Variants in ATCAY observed in about 807,000 individuals in gnomAD.
ATCAY encodes the protein caytaxin.
A neutral mutation model predicts 47.7 loss-of-function variants in ATCAY; 22 were observed. The observed-to-expected ratio is 0.46, with a 90% CI of 0.33 to 0.66. The LOEUF (loss-of-function observed/expected upper bound fraction) is 0.66, where lower values mean the gene tolerates loss of function less well. Among genes scored for constraint, ATCAY ranks in the 30% least tolerant of loss-of-function variants. ATCAY has a pLI of 0.02. For missense variants in ATCAY, 452 were observed against 515.0 expected (o/e 0.88, Z 1.18); for synonymous variants, 216 against 207.6 (o/e 1.04, Z -0.35).
intron 7 of ATCAY, 39 bp downstream of exon 7, chr19:3,909,656 GAAAAT>G: frequency 6.4e-7 from 1 of 1,550,950 alleles, no homozygotes; most frequent in African/African-American, 1.4e-5. Flanking sequence ...GTGGGGGCAT[GAAAAT>G]CACACAGGGG....
At chr19:3,883,369 G>T (rs1434167664) in intron 1 of ATCAY, among the ~76,000 whole-genome samples, 1 of 152,150 alleles carries the variant, frequency 6.6e-6, no homozygotes. Context: ...AAAAAAAGTG[G>T]ATCTAGCTAC....
At chr19:3,923,905 T>C (rs901354220) in intron 12 of ATCAY, among the ~76,000 whole-genome samples, 2 of 148,652 alleles carry the variant, frequency 1.3e-5, no homozygotes, top group African/African-American at 2.5e-5. Context: ...GATGGCTAGA[T>C]GTGTGGGTGG....
intron 8 of ATCAY, among the ~76,000 whole-genome samples, chr19:3,911,661 C>G (rs1023489449): frequency 2.6e-5 from 4 of 151,738 alleles, no homozygotes; most frequent in African/African-American, 9.7e-5. Flanking sequence ...TAAAACAGAT[C>G]AAGTGAAATA....
intron 9 of ATCAY, among the ~76,000 whole-genome samples, chr19:3,914,862 C>A (rs1391719036): frequency 6.6e-6 from 1 of 150,834 alleles, no homozygotes; most frequent in South Asian, 2.1e-4. Flanking sequence ...TACAGTCAAA[C>A]CCTGTCACCC....
chr19:3,885,603 A>AG, intron 1 of ATCAY, 124 bp from the exon 2 acceptor site: 2 of 452,586 alleles, frequency 4.4e-6, no homozygotes, highest in Non-Finnish European at 7.5e-6. Flanking sequence ...GAAAGGAGAG[A>AG]GGGGGAGGGG....
intron 9 of ATCAY, among the ~76,000 whole-genome samples, chr19:3,915,242 G>A (rs1295961230): frequency 1.3e-5 from 2 of 151,708 alleles, no homozygotes; most frequent in East Asian, 1.9e-4. Context: ...GCGCCATCTC[G>A]GCTCACCACA....
At chr19:3,917,540 G>C (rs541380884) in intron 9 of ATCAY, among the ~76,000 whole-genome samples, 1 of 120,652 alleles carries the variant, frequency 8.3e-6, no homozygotes, top group East Asian at 2.6e-4. Context: ...AGCCAAGATC[G>C]CACCACTGCA....
chr19:3,918,671 G>A (rs938314587), intron 10 of ATCAY, 135 bp from the exon 11 acceptor site: 2 of 801,878 alleles, frequency 2.5e-6, no homozygotes, highest in African/African-American at 3.4e-5. Flanking sequence ...AATAGCAAAG[G>A]CAGGGAACAT....
At chr19:3,885,963 A>C in intron 2 of ATCAY, 119 bp downstream of exon 2, 1 of 947,860 alleles carries the variant, frequency 1.1e-6, no homozygotes, top group Non-Finnish European at 1.6e-6. Flanking sequence ...GCCTGGTTCC[A>C]TCTCCGCGTC....
At position 3,926,074 on chromosome 19, in the gene ATCAY, G is replaced by C. The variant is rs2039063858; in HGVS notation, c.*1482G>C. On this transcript the variant is annotated 3_prime_UTR_variant, in exon 13 of 13. Transcript: ENST00000450849. Reference sequence around the variant, plus strand: ...TAATCCCAGCACTCTGGGAGGCTGAGGTGGGTGGATCACCTGAGGTCAGGA... The same window carrying C: ...TAATCCCAGCACTCTGGGAGGCTGACGTGGGTGGATCACCTGAGGTCAGGA... 1.3e-5 allele frequency: 2 copies of C among 152,218 alleles called. No homozygotes were observed. Among genetic ancestry groups the C allele is most frequent in the Admixed American group, 6.6e-5 (1 of 15,244 alleles). The allele number at this position is 152,218 out of a possible 1,614,324, so 9.4% of individuals were successfully genotyped here.
At chr19:3,895,898 G>T (rs966785673) in intron 2 of ATCAY, among the ~76,000 whole-genome samples, 1 of 151,458 alleles carries the variant, frequency 6.6e-6, no homozygotes, top group Non-Finnish European at 1.5e-5. Flanking sequence ...TGTATTTTTT[G>T]TAGAGATGGG....
intron 2 of ATCAY, among the ~76,000 whole-genome samples, chr19:3,900,196 C>CTT (rs35138325): frequency 6.9e-6 from 1 of 144,332 alleles, no homozygotes; most frequent in Non-Finnish European, 1.5e-5. Context: ...TCTTTTCTCT[C>CTT]TTTTTTTTTT....
chr19:3,889,871 A>T (rs1362955975), intron 2 of ATCAY, among the ~76,000 whole-genome samples: 3 of 151,816 alleles, frequency 2.0e-5, no homozygotes, highest in Admixed American at 1.3e-4. Flanking sequence ...ATAAATAATC[A>T]TCTCCAGCGT....
At chr19:3,905,886 G>T (rs1338985913) in intron 4 of ATCAY, among the ~76,000 whole-genome samples, 2 of 151,978 alleles carry the variant, frequency 1.3e-5, no homozygotes, top group Non-Finnish European at 1.5e-5. Flanking sequence ...AAAAAAGAGA[G>T]AGGTGGCTGG....
At chr19:3,898,109 T>C (rs574088426) in intron 2 of ATCAY, among the ~76,000 whole-genome samples, 1 of 152,136 alleles carries the variant, frequency 6.6e-6, no homozygotes, top group South Asian at 2.1e-4. Flanking sequence ...CCCATTTTCA[T>C]CCCTCTCCCC....
chr19:3,885,109 TAAAAAAA>T (rs34258948), intron 1 of ATCAY, among the ~76,000 whole-genome samples: 20 of 70,314 alleles, frequency 2.8e-4, no homozygotes, highest in South Asian at 4.8e-4. Context: ...TTTTTTTTTT[TAAAAAAA>T]AAAAAAAAAA....
Position 3,907,684 on chromosome 19 carries a change from G to A in ATCAY, c.359-50G>A, listed in dbSNP as rs760356655. 3 of 1,605,122 alleles carry A rather than the reference G, an allele frequency of 1.9e-6. No homozygotes were observed. Among genetic ancestry groups the A allele is most frequent in the South Asian group, 2.2e-5 (2 of 90,572 alleles). On this transcript the variant is annotated intron_variant, in intron 4 of 12. Transcript: ENST00000450849. This position sits in a 1 kb window ranked among gnomAD's most constrained non-coding sequence, Gnocchi z 5.1. ...GAAGGAAGGCTGAGCAGGAGGGCAG[G>A]AGATATCCGGACTCTGGCGTCCATG...
rs575562902 is a variant in ATCAY, at chr19:3,927,112, T to C, written c.*2520T>C. ...GGCGCGCACCTGTAGTCCCAGCTAC[T>C]CAGGAGGCTGAGGTAGAAGAATAGC... On this transcript the variant is annotated 3_prime_UTR_variant, in exon 13 of 13. Transcript: ENST00000450849. 4 of 152,206 alleles carry C rather than the reference T, an allele frequency of 2.6e-5. No individual in the cohort carries two copies. The East Asian group carries it at 7.7e-4, about 29-fold the overall frequency. 9.4% of individuals were successfully genotyped at this position (152,206 alleles called of 1,614,324 possible).
At chr19:3,904,669 G>C (rs1042715524) in intron 3 of ATCAY, among the ~76,000 whole-genome samples, 2 of 151,498 alleles carry the variant, frequency 1.3e-5, no homozygotes, top group African/African-American at 4.9e-5. Flanking sequence ...CGTCCTATTG[G>C]ATTTGTTTCC....
Sources: allele counts gnomAD v4.1 joint callset (sites outside exome capture counted in the v4.1 genomes callset), GRCh38; gene constraint gnomAD v4.1.1; non-coding constraint Gnocchi (gnomAD v3.1); transcripts MANE v1.5; gene names NCBI Gene and HGNC (gene_info 2026-07-23, HGNC 2026-07-21).